The following ADAMTSL1 variants were observed in gnomAD, a reference collection of about 807,000 sequenced individuals.
ADAMTSL1 encodes ADAMTS-like protein 1.
ADAMTSL1 carries 126 observed loss-of-function variants against 201.8 expected under a neutral mutation model. The ratio of observed to expected loss-of-function variants is 0.62; its 90% CI spans 0.54 to 0.72. The LOEUF (loss-of-function observed/expected upper bound fraction) is 0.72, where lower values mean the gene tolerates loss of function less well. ADAMTSL1 is among the 30% of genes least tolerant of loss of function. ADAMTSL1 has a pLI of 0.00. For synonymous variants in ADAMTSL1, 1,121 were observed against 903.4 expected (o/e 1.24, Z -4.32); for missense variants, 2,679 against 2,277.8 (o/e 1.18, Z -3.59).
chr9:18,654,100 A>G (rs1044731024), intron 7 of ADAMTSL1, among the ~76,000 whole-genome samples: 6 of 152,196 alleles, frequency 3.9e-5, no homozygotes, highest in African/African-American at 1.4e-4. Flanking sequence ...ATGGTGGTGG[A>G]CACCTATAAT....
intron 1 of ADAMTSL1, among the ~76,000 whole-genome samples, chr9:18,136,534 G>C (rs1826164624): frequency 6.6e-6 from 1 of 152,018 alleles, no homozygotes; most frequent in Non-Finnish European, 1.5e-5. Flanking sequence ...TAGTAGAGTA[G>C]GAAAGAGAAT....
At chr9:18,862,279 C>T (rs1218509395) in intron 23 of ADAMTSL1, among the ~76,000 whole-genome samples, 1 of 152,152 alleles carries the variant, frequency 6.6e-6, no homozygotes, top group Non-Finnish European at 1.5e-5. Flanking sequence ...GAGGCTCTCA[C>T]CCAAAATCAG....
chr9:18,905,953 C>T (rs1830285809), intron 27 of ADAMTSL1, 62 bp downstream of exon 27: 1 of 1,391,290 alleles, frequency 7.2e-7, no homozygotes, highest in African/African-American at 1.4e-5. Flanking sequence ...AAAGATGGTG[C>T]TGAGTGAATG....
Position 17,906,717 on chromosome 9 carries a change from A to C in ADAMTSL1, c.-119A>C, listed in dbSNP as rs1203551764. 2.0e-5 allele frequency: 3 copies of C among 152,782 alleles called. No individual in the cohort carries two copies. The East Asian group carries it at 5.8e-4, about 30-fold the overall frequency. The allele number at this position is 152,782 out of a possible 1,614,324, so 9.5% of individuals were successfully genotyped here. On this transcript the variant is annotated 5_prime_UTR_variant, in exon 1 of 30. Coordinates refer to the ADAMTSL1 transcript ENST00000680146. ...AGCGCAGCTCTGTCTCGTGGGGCGC[A>C]CGCCCGAGCCCGCCTGCCGGCCGCC... is the stretch of plus-strand genomic sequence containing the variant.
intron 14 of ADAMTSL1, among the ~76,000 whole-genome samples, chr9:18,707,792 C>T (rs750137934): frequency 6.6e-6 from 1 of 152,112 alleles, no homozygotes; most frequent in South Asian, 2.1e-4. Flanking sequence ...CACATATATC[C>T]ATCTGGTTCT....
chr9:18,860,207 G>A (rs1390913395), intron 23 of ADAMTSL1, among the ~76,000 whole-genome samples: 1 of 152,194 alleles, frequency 6.6e-6, no homozygotes, highest in African/African-American at 2.4e-5. Flanking sequence ...TCCTTGTCTT[G>A]TGAAAATGGC....
intron 2 of ADAMTSL1, among the ~76,000 whole-genome samples, chr9:18,513,553 T>C (rs573627393): frequency 6.6e-6 from 1 of 152,328 alleles, no homozygotes; most frequent in Non-Finnish European, 1.5e-5. Context: ...GTGTTATAGC[T>C]GAGAGATCAT....
rs145029089 is a variant in ADAMTSL1, at chr9:18,541,089, A to T, written c.237+7797A>T. Among the ~76,000 whole-genome samples, 659 of 152,350 alleles carry T rather than the reference A, an allele frequency of 4.3e-3. 4 individuals carry two copies. Among genetic ancestry groups the T allele is most frequent in the African/African-American group, 0.015 (603 of 41,584 alleles). ...TGCTCTCATGTTAAAGTCAGATGGG[A>T]CATGTCTTTTCTAAGTCACTTGATG... On this transcript the variant is annotated intron_variant, in intron 3 of 28. Transcript: ENST00000380548.
intron 1 of ADAMTSL1, among the ~76,000 whole-genome samples, chr9:18,025,443 G>A (rs1820651941): frequency 6.6e-6 from 1 of 152,040 alleles, no homozygotes; most frequent in Admixed American, 6.6e-5. Flanking sequence ...ATGGTGATAG[G>A]TAGGGGTTCA....
Position 18,019,225 on chromosome 9 carries a change from C to T in ADAMTSL1, c.87+112303C>T, listed in dbSNP as rs148668713. Reference sequence around the variant, plus strand: ...AAGTGTTGAAGATTCTGCCTGGTTTCTTCTTTCTGATAACAGTAAAATGAG... The same window carrying T: ...AAGTGTTGAAGATTCTGCCTGGTTTTTTCTTTCTGATAACAGTAAAATGAG... On this transcript the variant is annotated intron_variant, in intron 1 of 29. Transcript: ENST00000680146. 3.4e-3 allele frequency among the ~76,000 whole-genome samples: 518 copies of T among 152,140 alleles called. 1 individual carries two copies. The highest frequency in any genetic ancestry group is 0.012 in the African/African-American group (483 of 41,534).
intron 3 of ADAMTSL1, among the ~76,000 whole-genome samples, chr9:18,536,995 C>T (rs1302192786): frequency 6.6e-6 from 1 of 152,090 alleles, no homozygotes; most frequent in African/African-American, 2.4e-5. Context: ...TAATTAGCAA[C>T]ATAATAGGCC....
At chr9:18,028,460 T>C (rs547797630) in intron 1 of ADAMTSL1, among the ~76,000 whole-genome samples, 3 of 152,104 alleles carry the variant, frequency 2.0e-5, no homozygotes, top group African/African-American at 7.2e-5. Flanking sequence ...CTTTTCTGGC[T>C]TGTAAGGTTT....
intron 1 of ADAMTSL1, among the ~76,000 whole-genome samples, chr9:17,919,002 C>G (rs1176226885): frequency 6.6e-6 from 1 of 151,730 alleles, no homozygotes; most frequent in Non-Finnish European, 1.5e-5. Context: ...ACAAACATTT[C>G]TGATTTGAGA....
rs114015488 is a variant in ADAMTSL1 at position 17,957,933 on chromosome 9, C to T, written c.87+51011C>T. On this transcript the variant is annotated intron_variant, in intron 1 of 29. Transcript: ENST00000680146. ...GCCCTGCCAGCATCTTGATTTTGGACATCTAGCCTCCATGACTGGGAGAGA... is the reference window on the plus strand; with the variant it reads ...GCCCTGCCAGCATCTTGATTTTGGATATCTAGCCTCCATGACTGGGAGAGA... 2.9e-3 allele frequency among the ~76,000 whole-genome samples: 443 copies of T among 152,288 alleles called. 4 individuals are homozygous for T. Among genetic ancestry groups the T allele is most frequent in the African/African-American group, 0.01 (424 of 41,586 alleles).
chr9:18,494,128 G>A (rs1480133389), intron 1 of ADAMTSL1, among the ~76,000 whole-genome samples: 4 of 152,086 alleles, frequency 2.6e-5, no homozygotes, highest in African/African-American at 9.7e-5. Context: ...AGGCAGAAAC[G>A]GGTGGATCAC....
intron 1 of ADAMTSL1, among the ~76,000 whole-genome samples, chr9:18,129,290 T>G (rs564687572): frequency 6.6e-6 from 1 of 152,320 alleles, no homozygotes; most frequent in East Asian, 1.9e-4. Flanking sequence ...GGAGTGAGGT[T>G]CGGAATTGCA....
At chr9:18,545,539 G>A (rs1820419625) in intron 3 of ADAMTSL1, among the ~76,000 whole-genome samples, 1 of 152,074 alleles carries the variant, frequency 6.6e-6, no homozygotes, top group Admixed American at 6.6e-5. Flanking sequence ...TATATGAACT[G>A]CTGAGAATTT....
intron 14 of ADAMTSL1, among the ~76,000 whole-genome samples, chr9:18,720,112 G>A (rs144157443): frequency 1.2e-4 from 18 of 152,246 alleles, no homozygotes; most frequent in African/African-American, 4.1e-4. Flanking sequence ...CTCAAACTGA[G>A]CTCTGCTGAA....
In ADAMTSL1 at chr9:18,062,010, G is replaced by A. The variant is rs141459648; in HGVS notation, c.88-101852G>A. ...TGAAGGAAGTACAAGTTGCAGTGCA[G>A]TGAATTGAGGGCCAGCTACAAGCTA... On this transcript the variant is annotated intron_variant, in intron 1 of 29. Transcript: ENST00000680146. 9.2e-5 allele frequency among the ~76,000 whole-genome samples: 14 copies of A among 152,310 alleles called. No homozygotes were observed. The East Asian group carries it at 2.7e-3, about 29-fold the overall frequency.
Sources: gnomAD v4.1 joint callset for allele counts (sites outside exome capture counted in the v4.1 genomes callset) on GRCh38, gnomAD v4.1.1 for gene constraint, MANE v1.5 for transcripts, NCBI Gene and HGNC (gene_info 2026-07-23, HGNC 2026-07-21) for gene names.